Variants in SPTBN1 observed in about 807,000 individuals in gnomAD.
SPTBN1 encodes the protein spectrin beta, non-erythrocytic 1, also known as spectrin beta chain, non-erythrocytic 1.
In SPTBN1, 32 loss-of-function variants were observed where a neutral mutation model predicts 266.4. The observed-to-expected ratio is 0.12, with a 90% CI of 0.09 to 0.16. The LOEUF (loss-of-function observed/expected upper bound fraction) is 0.16, where lower values mean the gene tolerates loss of function less well. Among genes scored for constraint, SPTBN1 ranks in the 10% least tolerant of loss-of-function variants. The probability of loss-of-function intolerance (pLI) is 1.00; values close to 1 mark genes in which losing one functional copy is unlikely to be tolerated. For synonymous variants in SPTBN1, 1,336 were observed against 1,162.2 expected (o/e 1.15, Z -3.04); for missense variants, 2,296 against 3,067.1 (o/e 0.75, Z 5.94).
chr2:54,511,747 A>G (rs981429012), intron 1 of SPTBN1, among the ~76,000 whole-genome samples: 9 of 151,916 alleles, frequency 5.9e-5, no homozygotes, highest in African/African-American at 2.4e-5. Context: ...CATGTCTGCA[A>G]TCCCAGCTAG....
chr2:54,621,189 G>A (rs756376876), intron 7 of SPTBN1, among the ~76,000 whole-genome samples: 17 of 152,158 alleles, frequency 1.1e-4, no homozygotes, highest in Non-Finnish European at 1.9e-4. Flanking sequence ...TGTGGAAGGC[G>A]TTTCATGAAT....
chr2:54,464,722 T>C (rs1457399852), intron 1 of SPTBN1, among the ~76,000 whole-genome samples: 3 of 152,222 alleles, frequency 2.0e-5, no homozygotes, highest in East Asian at 3.8e-4. Context: ...CAGAGTCTTA[T>C]TCTGTTGCCC....
At position 54,462,892 on chromosome 2, in the gene SPTBN1, A is replaced by G. The variant is rs551957432; in HGVS notation, c.-48+6374A>G. Among the ~76,000 whole-genome samples the G allele has an allele frequency of 2.6e-5, 4 of 152,388 alleles. 1 individual carries two copies. Among genetic ancestry groups the G allele is most frequent in the South Asian group, 4.1e-4 (2 of 4,834 alleles). ...GGTACTCTTTTTCCACTGAGCTGAG[A>G]TAGTCTCAGTCATATTCTCGACATG... On this transcript the variant is annotated intron_variant, in intron 1 of 35. Coordinates refer to ENST00000356805, the MANE Select transcript of SPTBN1 (RefSeq NM_003128.3).
intron 1 of SPTBN1, among the ~76,000 whole-genome samples, chr2:54,521,782 C>A (rs984238944): frequency 6.6e-6 from 1 of 152,150 alleles, no homozygotes; most frequent in African/African-American, 2.4e-5. Context: ...CCGTGGCCTC[C>A]CAAATTGTTG....
At position 54,464,497 on chromosome 2, in the gene SPTBN1, T is replaced by C. The variant is rs542372745; in HGVS notation, c.-48+7979T>C. On this transcript the variant is annotated intron_variant, in intron 1 of 35. Coordinates refer to ENST00000356805, the MANE Select transcript of SPTBN1 (RefSeq NM_003128.3). The stretch of plus-strand genomic sequence containing the variant: ...GGAAGGAAATACATTAAAATGTTAA[T>C]GGTTTGCTTTGGATGGTAGGTTGAT... Among the ~76,000 whole-genome samples, 109 of 152,294 alleles carry C rather than the reference T, an allele frequency of 7.2e-4. 3 individuals are homozygous for C. Among genetic ancestry groups the C allele is most frequent in the Admixed American group, 6.7e-3 (103 of 15,294 alleles).
At chr2:54,658,490 C>T (rs971754023) in intron 30 of SPTBN1, among the ~76,000 whole-genome samples, 3 of 152,150 alleles carry the variant, frequency 2.0e-5, no homozygotes, top group African/African-American at 7.2e-5. Context: ...AACATAAAGG[C>T]CTTAGAATAG....
intron 1 of SPTBN1, among the ~76,000 whole-genome samples, chr2:54,505,273 C>T (rs1669492574): frequency 6.6e-6 from 1 of 152,154 alleles, no homozygotes; most frequent in Non-Finnish European, 1.5e-5. Context: ...ATGCATGCAT[C>T]CCGGCTTCCC....
intron 2 of SPTBN1, among the ~76,000 whole-genome samples, chr2:54,576,156 G>A (rs1674462882): frequency 6.8e-6 from 1 of 147,982 alleles, no homozygotes; most frequent in Non-Finnish European, 1.5e-5. Context: ...CTGGGTTCAA[G>A]CGTTTCTCCT....
In SPTBN1 at chr2:54,664,343, C is replaced by T. The variant is rs1572783882; in HGVS notation, c.6421-110C>T. ...GTGCAATGGTTTTACTGTACTGCCT[C>T]GATCTGTGCCAGGCATTTATACACA... On this transcript the variant is annotated intron_variant, in intron 32 of 35. Coordinates refer to ENST00000356805, the MANE Select transcript of SPTBN1 (RefSeq NM_003128.3). The surrounding 1 kb of genome is among the most constrained non-coding windows in gnomAD (Gnocchi z 5.6). 2 of 1,130,232 alleles carry T rather than the reference C, an allele frequency of 1.8e-6. No individual in the cohort carries two copies. The highest frequency in any genetic ancestry group is 2.6e-6 in the Non-Finnish European group (2 of 777,666). 70.0% of individuals were successfully genotyped at this position (1,130,232 alleles called of 1,614,324 possible). A position where few individuals can be genotyped will look rare whatever the true frequency, so the allele number is the denominator to read the frequency against.
In SPTBN1 at chr2:54,495,214, C is replaced by T. The variant is rs552985420; in HGVS notation, c.-47-31158C>T. Among the ~76,000 whole-genome samples the T allele has an allele frequency of 7.9e-5, 12 of 152,256 alleles. No individual in the cohort carries two copies. The South Asian group carries it at 2.5e-3, about 32-fold the overall frequency. Reference sequence around the variant, plus strand: ...GGTCTGGAGGACAGCAGGGACCATACATTTGGAGCATTGTTTTGAAAGCGT... The same window carrying T: ...GGTCTGGAGGACAGCAGGGACCATATATTTGGAGCATTGTTTTGAAAGCGT... On this transcript the variant is annotated intron_variant, in intron 1 of 35. Coordinates refer to ENST00000356805, the MANE Select transcript of SPTBN1 (RefSeq NM_003128.3).
chr2:54,637,841 G>A (rs1679255478), intron 18 of SPTBN1, 38 bp downstream of exon 18: 5 of 1,543,014 alleles, frequency 3.2e-6, no homozygotes, highest in Non-Finnish European at 4.4e-6. Flanking sequence ...CTGTGTTCCA[G>A]TAATAGCAAT....
Position 54,647,149 on chromosome 2 carries a change from T to G in SPTBN1, c.4885T>G (p.Ser1629Ala). ...TTTGCAGGATGAGCAGAGTGCTGTC[T>G]CCATGTTGAAGAAGCACCAGATCTT... Reference protein sequence around the residue: ...EKAKDEQSAVSMLKKHQILEQ... With the variant: ...EKAKDEQSAVAMLKKHQILEQ... The change falls in exon 24 of 36, where the codon TCC becomes GCC. Residue 1629 changes from serine (S) to alanine (A), a missense_variant. Around this residue, in one of 12 missense-constraint regions of SPTBN1, gnomAD observed 644 missense variants for 745.3 expected, o/e 0.86. Coordinates refer to ENST00000356805, the MANE Select transcript of SPTBN1 (RefSeq NM_003128.3). 1 of 1,614,180 alleles carries G rather than the reference T, an allele frequency of 6.2e-7. No individual in the cohort carries two copies. The highest frequency in any genetic ancestry group is 8.5e-7 in the Non-Finnish European group (1 of 1,180,034).
In SPTBN1 at chr2:54,526,563, G is replaced by T. The variant is rs747589379; in HGVS notation, c.145G>T (p.Ala49Ser). Reference protein sequence around the residue: ...LFERSRIKALADEREAVQKKT... With the variant: ...LFERSRIKALSDEREAVQKKT... The stretch of plus-strand genomic sequence containing the variant: ...TGAGCGGTCCCGCATCAAGGCTCTG[G>T]CAGGTGAGTCCTTCACACCTGTCAC... The change falls in exon 2 of 36, where the codon GCA becomes TCA. Residue 49 changes from alanine to serine, a missense_variant. By Grantham distance (99) the Ala-to-Ser change is moderately conservative. This residue lies in a region of SPTBN1 where 178 missense variants were observed against 375.7 expected (regional missense o/e 0.47). Coordinates refer to ENST00000356805, the MANE Select transcript of SPTBN1 (RefSeq NM_003128.3). 4.3e-6 allele frequency: 7 copies of T among 1,613,370 alleles called. No homozygotes were observed. Among genetic ancestry groups the T allele is most frequent in the Non-Finnish European group, 5.1e-6 (6 of 1,179,664 alleles).
At chr2:54,665,489 C>T (rs909616965) in intron 33 of SPTBN1, among the ~76,000 whole-genome samples, 1 of 152,162 alleles carries the variant, frequency 6.6e-6, no homozygotes, top group Non-Finnish European at 1.5e-5. Context: ...TGTCAAGTTG[C>T]CAAGTCACAT....
chr2:54,596,891 A>G (rs555729798), intron 2 of SPTBN1, among the ~76,000 whole-genome samples: 4 of 152,292 alleles, frequency 2.6e-5, no homozygotes, highest in Admixed American at 2.0e-4. Flanking sequence ...CTAAGGAAGT[A>G]TATTGACTGT....
chr2:54,599,347 A>G, intron 3 of SPTBN1, 104 bp downstream of exon 3: 1 of 1,361,060 alleles, frequency 7.3e-7, no homozygotes. Flanking sequence ...AATGGTTGAT[A>G]GTTTTGAGGA....
In SPTBN1 at chr2:54,533,135, C is replaced by G. The variant is rs929359421; in HGVS notation, c.148+6569C>G. Among the ~76,000 whole-genome samples the G allele has an allele frequency of 1.2e-4, 19 of 152,132 alleles. No individual in the cohort carries two copies. Among genetic ancestry groups the G allele is most frequent in the African/African-American group, 4.1e-4 (17 of 41,424 alleles). The stretch of plus-strand genomic sequence containing the variant: ...CGGCTGCTAAGTGACTAACAGGGAG[C>G]GTCTGCAGTGTGTGTCTGCTGGACA... On this transcript the variant is annotated intron_variant, in intron 2 of 35. Coordinates refer to ENST00000356805, the MANE Select transcript of SPTBN1 (RefSeq NM_003128.3). This position sits in a 1 kb window ranked among gnomAD's most constrained non-coding sequence, Gnocchi z 4.2.
At chr2:54,604,330 C>T (rs1049583809) in intron 3 of SPTBN1, among the ~76,000 whole-genome samples, 1 of 152,168 alleles carries the variant, frequency 6.6e-6, no homozygotes. Flanking sequence ...AAAAAGAGGC[C>T]AAATTAGCTC....
At chr2:54,475,715 C>G (rs1667792384) in intron 1 of SPTBN1, among the ~76,000 whole-genome samples, 1 of 152,172 alleles carries the variant, frequency 6.6e-6, no homozygotes. Flanking sequence ...GTATTTTCCA[C>G]TAATTCAGAC....
Sources: gnomAD v4.1 joint callset for allele counts (sites outside exome capture counted in the v4.1 genomes callset) on GRCh38, gnomAD v4.1.1 for gene constraint, gnomAD v4.1.1 regional missense constraint, Gnocchi (gnomAD v3.1) non-coding constraint, MANE v1.5 for transcripts, NCBI Gene and HGNC (gene_info 2026-07-23, HGNC 2026-07-21) for gene names.